The following SEMA6A variants were observed in gnomAD, a reference collection of about 807,000 sequenced individuals.
SEMA6A encodes the protein semaphorin 6A, also known as semaphorin-6A.
A neutral mutation model predicts 96.8 loss-of-function variants in SEMA6A; 25 were observed. The ratio of observed to expected loss-of-function variants is 0.26; its 90% confidence interval spans 0.19 to 0.36. SEMA6A has a LOEUF of 0.36. Ranked by LOEUF, SEMA6A falls within the 10% of genes least tolerant of loss-of-function variation. SEMA6A has a pLI of 1.00. For synonymous variants in SEMA6A, 612 were observed against 518.0 expected, an observed-to-expected ratio of 1.18 and a Z score of -2.46; for missense variants, 1,363 against 1,323.1, an observed-to-expected ratio of 1.03 and a Z score of -0.47.
intron 1 of SEMA6A, 75 bp from the exon 2 acceptor site, chr5:116,505,057 A>G (rs1370904268): frequency 1.5e-6 from 1 of 667,150 alleles, no homozygotes; most frequent in East Asian, 2.8e-5. Context: ...ACCCTGAAAG[A>G]TAAATTCGAG....
At chr5:116,524,048 T>C (rs1759093778) in intron 1 of SEMA6A, among the ~76,000 whole-genome samples, 1 of 152,186 alleles carries the variant, frequency 6.6e-6, no homozygotes, top group African/African-American at 2.4e-5. Context: ...ACTTACAGAA[T>C]ATAATTTAAT....
intron 16 of SEMA6A, 33 bp downstream of exon 16, chr5:116,475,512 C>CA: frequency 6.6e-7 from 1 of 1,518,688 alleles, no homozygotes; most frequent in South Asian, 1.2e-5. Flanking sequence ...CATCTTTGCC[C>CA]AAAGATAAAA....
At chr5:116,554,538 G>C (rs909941053) in intron 1 of SEMA6A, among the ~76,000 whole-genome samples, 1 of 152,118 alleles carries the variant, frequency 6.6e-6, no homozygotes, top group Non-Finnish European at 1.5e-5. Flanking sequence ...AAGATAATAC[G>C]TAACAATTTG....
chr5:116,537,707 T>C (rs1759780680), intron 1 of SEMA6A, among the ~76,000 whole-genome samples: 1 of 152,046 alleles, frequency 6.6e-6, no homozygotes, highest in African/African-American at 2.4e-5. Context: ...GCCATAAAGG[T>C]GGTATTTTCA....
At chr5:116,563,523 C>T (rs963354485) in intron 1 of SEMA6A, among the ~76,000 whole-genome samples, 1 of 152,150 alleles carries the variant, frequency 6.6e-6, no homozygotes, top group South Asian at 2.1e-4. Flanking sequence ...GCCTCCAAGG[C>T]ACACAAAAGA....
intron 1 of SEMA6A, among the ~76,000 whole-genome samples, chr5:116,560,787 G>A (rs1760792455): frequency 6.6e-6 from 1 of 151,960 alleles, no homozygotes; most frequent in Admixed American, 6.6e-5. Flanking sequence ...TTTGACTCAA[G>A]ACACTCTAAG....
At chr5:116,448,768 A>AG (rs2112578746) in intron 18 of SEMA6A, among the ~76,000 whole-genome samples, 1 of 149,236 alleles carries the variant, frequency 6.7e-6, no homozygotes, top group Non-Finnish European at 1.5e-5. Flanking sequence ...AAAAAAAAAA[A>AG]AAAAAAAACA....
chr5:116,487,038 TC>T, intron 9 of SEMA6A, 72 bp from the exon 10 acceptor site: 1 of 1,091,126 alleles, frequency 9.2e-7, no homozygotes, highest in Non-Finnish European at 1.4e-6. Flanking sequence ...GAATCTGCAT[TC>T]CTTGAAAACA....
intron 1 of SEMA6A, among the ~76,000 whole-genome samples, chr5:116,518,555 G>A (rs530916104): frequency 1.5e-4 from 23 of 152,328 alleles, no homozygotes; most frequent in African/African-American, 2.9e-4. Context: ...AAACTAAAGT[G>A]CTGAGGGTCA....
At chr5:116,455,331 T>A (rs752433715) in intron 18 of SEMA6A, among the ~76,000 whole-genome samples, 1 of 152,224 alleles carries the variant, frequency 6.6e-6, no homozygotes, top group South Asian at 2.1e-4. Flanking sequence ...TGTGGTTTCA[T>A]GTGTTAGAAC....
chr5:116,570,036 G>A (rs547664284), intron 1 of SEMA6A, among the ~76,000 whole-genome samples: 17 of 152,232 alleles, frequency 1.1e-4, no homozygotes, highest in African/African-American at 3.6e-4. Flanking sequence ...TTTTGCAAGA[G>A]CTCATCTGTT....
chr5:116,548,410 T>C (rs1760272977), intron 1 of SEMA6A, among the ~76,000 whole-genome samples: 1 of 152,286 alleles, frequency 6.6e-6, no homozygotes, highest in South Asian at 2.1e-4. Flanking sequence ...CTGCTTGGGT[T>C]CTGGAGGGTG....
intron 1 of SEMA6A, among the ~76,000 whole-genome samples, chr5:116,561,321 G>T (rs1478291272): frequency 5.9e-5 from 9 of 152,108 alleles, no homozygotes; most frequent in Non-Finnish European, 1.3e-4. Flanking sequence ...GTAGAACTCA[G>T]CAAGACTCAT....
intron 1 of SEMA6A, among the ~76,000 whole-genome samples, chr5:116,516,665 C>T (rs925597588): frequency 2.6e-5 from 4 of 152,126 alleles, no homozygotes; most frequent in Non-Finnish European, 5.9e-5. Flanking sequence ...GGTGCCTCTT[C>T]CCAAACCAGA....
chr5:116,475,006 TAA>T (rs1388849035), intron 16 of SEMA6A, among the ~76,000 whole-genome samples: 1 of 152,236 alleles, frequency 6.6e-6, no homozygotes, highest in Admixed American at 6.5e-5. Context: ...CCAATTCCTA[TAA>T]AAAGATTATT....
At chr5:116,513,149 C>T (rs554346206) in intron 1 of SEMA6A, among the ~76,000 whole-genome samples, 7 of 151,622 alleles carry the variant, frequency 4.6e-5, no homozygotes, top group Admixed American at 6.6e-5. Context: ...TCCCCCGCGA[C>T]GGAGTTTCGC....
intron 18 of SEMA6A, among the ~76,000 whole-genome samples, chr5:116,450,693 C>T (rs1754570482): frequency 6.6e-6 from 1 of 152,094 alleles, no homozygotes; most frequent in Admixed American, 6.5e-5. Context: ...GTATCTCAGA[C>T]AGATTTTTTC....
At chr5:116,520,764 C>T (rs1183102483) in intron 1 of SEMA6A, among the ~76,000 whole-genome samples, 3 of 152,166 alleles carry the variant, frequency 2.0e-5, no homozygotes, top group Non-Finnish European at 2.9e-5. Context: ...GGAATTTAGA[C>T]GCAGGATGCA....
At chr5:116,487,133 C>G (rs1284236006) in intron 9 of SEMA6A, 167 bp from the exon 10 acceptor site, 1 of 594,964 alleles carries the variant, frequency 1.7e-6, no homozygotes, top group African/African-American at 1.9e-5. Context: ...AAGAGGAAAA[C>G]TCAGCATTAG....
Sources: allele counts gnomAD v4.1 joint callset (sites outside exome capture counted in the v4.1 genomes callset), GRCh38; gene constraint gnomAD v4.1.1; transcripts MANE v1.5; gene names NCBI Gene and HGNC (gene_info 2026-07-23, HGNC 2026-07-21).